The following RORA variants were observed in gnomAD, a reference collection of about 807,000 sequenced individuals.
RORA encodes the protein nuclear receptor ROR-alpha.
RORA carries 7 observed loss-of-function variants against 69.5 expected under a neutral mutation model. The observed-to-expected ratio is 0.10, with a 90% confidence interval of 0.06 to 0.19. RORA has a LOEUF of 0.19. RORA is among the 10% of genes least tolerant of loss of function. RORA has a pLI of 1.00. For missense variants in RORA, 457 were observed against 663.0 expected (o/e 0.69, Z 3.41); for synonymous variants, 261 against 240.8 (o/e 1.08, Z -0.78).
rs1596031509 is a variant in RORA at position 61,154,041 on chromosome 15, C to G, written c.166+75012G>C. On this transcript the variant is annotated intron_variant, in intron 1 of 10. Transcript: ENST00000335670. ...TTAGTGAATCTCAAACCCTTATATC[C>G]TGCACTTCCTAGCCAAATCCTTTCT... Among the ~76,000 whole-genome samples the G allele has an allele frequency of 2.0e-5, 3 of 152,172 alleles. No individual in the cohort carries two copies. In the East Asian group the frequency reaches 5.8e-4, roughly 29 times the overall value.
chr15:61,077,465 T>A (rs1032802511), intron 1 of RORA, among the ~76,000 whole-genome samples: 1 of 152,152 alleles, frequency 6.6e-6, no homozygotes, highest in Non-Finnish European at 1.5e-5. Flanking sequence ...CGACTATGGG[T>A]ACCTAGATAG....
At chr15:60,721,101 CT>C (rs975772243) in intron 1 of RORA, among the ~76,000 whole-genome samples, 1 of 152,134 alleles carries the variant, frequency 6.6e-6, no homozygotes, top group African/African-American at 2.4e-5. Flanking sequence ...ACCTCCTTTC[CT>C]GGGGTAACGA....
chr15:60,634,100 C>A (rs2069791649), intron 2 of RORA, among the ~76,000 whole-genome samples: 1 of 151,978 alleles, frequency 6.6e-6, no homozygotes, highest in Non-Finnish European at 1.5e-5. Flanking sequence ...AAGAATACCC[C>A]CAGCTTTTCA....
intron 1 of RORA, among the ~76,000 whole-genome samples, chr15:61,152,701 T>C (rs1466393873): frequency 2.0e-5 from 3 of 152,148 alleles, no homozygotes; most frequent in African/African-American, 7.2e-5. Flanking sequence ...GGAAAGCAAC[T>C]TTTTAGGACA....
chr15:61,010,537 C>G (rs375030014), intron 1 of RORA, among the ~76,000 whole-genome samples: 15 of 152,156 alleles, frequency 9.9e-5, no homozygotes, highest in African/African-American at 3.6e-4. Context: ...TATGAATGCA[C>G]AGGCATACAA....
At chr15:61,003,647 C>A (rs560568209) in intron 1 of RORA, among the ~76,000 whole-genome samples, 7 of 152,216 alleles carry the variant, frequency 4.6e-5, no homozygotes, top group Non-Finnish European at 1.0e-4. Flanking sequence ...ATTTATTTAA[C>A]CAAGCAAGTT....
chr15:61,068,814 C>T (rs775265492), intron 1 of RORA, among the ~76,000 whole-genome samples: 1 of 152,172 alleles, frequency 6.6e-6, no homozygotes. Flanking sequence ...CTTGGGCACA[C>T]AAGCAGTTAA....
In RORA at chr15:60,534,802, G is replaced by A. The variant is rs1044875219; in HGVS notation, c.197-2951C>T. ...ACACGTGTTGATATTCCCAGAAAGC[G>A]AGCATTTGCAGATTGGAGCAGGGCA... On this transcript the variant is annotated intron_variant, in intron 2 of 10. Coordinates refer to ENST00000335670, the MANE Select transcript of RORA (RefSeq NM_134261.3). This position sits in a 1 kb window ranked among gnomAD's most constrained non-coding sequence, Gnocchi z 5.0. Among the ~76,000 whole-genome samples the A allele has an allele frequency of 4.6e-5, 7 of 152,074 alleles. No individual in the cohort carries two copies. The highest frequency in any genetic ancestry group is 2.1e-4 in the South Asian group (1 of 4,826).
intron 3 of RORA, among the ~76,000 whole-genome samples, chr15:60,521,565 A>AT (rs765042017): frequency 6.6e-5 from 10 of 152,120 alleles, no homozygotes; most frequent in Non-Finnish European, 1.0e-4. Flanking sequence ...TATAGTAAAT[A>AT]TTTTTTAAAA....
chr15:60,724,380 A>T (rs976293855), intron 1 of RORA, among the ~76,000 whole-genome samples: 2 of 152,184 alleles, frequency 1.3e-5, no homozygotes, highest in Non-Finnish European at 2.9e-5. Context: ...CTATCATAGT[A>T]AAGGAAAACG....
chr15:61,034,703 C>T (rs1465698504), intron 1 of RORA, among the ~76,000 whole-genome samples: 1 of 138,018 alleles, frequency 7.2e-6, no homozygotes, highest in East Asian at 2.1e-4. Context: ...GCATGTTGGT[C>T]AAGTTCAAGG....
Position 60,514,709 on chromosome 15 carries a change from G to C in RORA, c.331C>G (p.Arg111Gly). The C allele has an allele frequency of 6.2e-7, 1 of 1,613,868 alleles. No homozygotes were observed. The highest frequency in any genetic ancestry group is 1.7e-5 in the Admixed American group (1 of 60,016). Residue 111 changes from arginine (R) to glycine (G), a missense_variant, in exon 4 of 11, where the codon CGT (arginine) becomes GGT (glycine). Physicochemically the swap from Arg to Gly is moderately radical, Grantham distance 125. Around this residue, in one of 3 missense-constraint regions of RORA, gnomAD observed 34 missense variants for 123.2 expected, o/e 0.28. Coordinates refer to ENST00000335670, the MANE Select transcript of RORA (RefSeq NM_134261.3). Reference protein sequence around the residue: ...QQSNATYSCPRQKNCLIDRTS... With the variant: ...QQSNATYSCPGQKNCLIDRTS... ...CGATCAATCAAACAGTTCTTCTGAC[G>C]AGGACAGGAGTAGGTGGCATTGCTT...
At chr15:60,834,194 G>C (rs968608232) in intron 1 of RORA, among the ~76,000 whole-genome samples, 1 of 152,154 alleles carries the variant, frequency 6.6e-6, no homozygotes, top group African/African-American at 2.4e-5. Flanking sequence ...TGCAAAGAAG[G>C]CACAAAATAG....
At position 60,912,282 on chromosome 15, in the gene RORA, G is replaced by T. The variant is rs150261335; in HGVS notation, c.167-233596C>A. Among the ~76,000 whole-genome samples, 25 of 152,212 alleles carry T rather than the reference G, an allele frequency of 1.6e-4. No individual in the cohort carries two copies. The South Asian group carries it at 2.3e-3, about 14-fold the overall frequency. On this transcript the variant is annotated intron_variant, in intron 1 of 10. Coordinates refer to ENST00000335670, the MANE Select transcript of RORA (RefSeq NM_134261.3). ...AAGAAAGAGAAAAAAATAGCCAGAT[G>T]TGGGGGGGCTGCATCTGTCGTTCTA...
Position 60,502,878 on chromosome 15 carries a change from G to A in RORA, c.1076-11C>T, listed in dbSNP as rs764902188. Reference sequence around the variant, plus strand: ...CCACCTCTAGAGAACCTAAGCAGAGGCAGAAATGGTTTGGGTCATTTGGGT... The same window carrying A: ...CCACCTCTAGAGAACCTAAGCAGAGACAGAAATGGTTTGGGTCATTTGGGT... On this transcript the variant is annotated splice_polypyrimidine_tract_variant and intron_variant, in intron 7 of 10. Coordinates refer to ENST00000335670, the MANE Select transcript of RORA (RefSeq NM_134261.3). 15 of 1,583,970 alleles carry A rather than the reference G, an allele frequency of 9.5e-6. No individual in the cohort carries two copies. In the South Asian group the frequency reaches 1.5e-4, roughly 16 times the overall value.
intron 3 of RORA, among the ~76,000 whole-genome samples, chr15:60,517,134 A>G (rs909744871): frequency 2.2e-5 from 3 of 138,418 alleles, no homozygotes; most frequent in African/African-American, 3.4e-5. Flanking sequence ...CCCCCCTACA[A>G]TAGGCAGATG....
chr15:61,144,292 C>T lies in RORA; in HGVS notation c.166+84761G>A, dbSNP rs189878035. Among the ~76,000 whole-genome samples, 280 of 152,330 alleles carry T rather than the reference C, an allele frequency of 1.8e-3. 2 individuals carry two copies. Among genetic ancestry groups the T allele is most frequent in the East Asian group, 7.5e-3 (39 of 5,184 alleles). Reference sequence around the variant, plus strand: ...CTGATTCCACGGGCAGCTCGAGCTGCGATGGCCATTCAGAGTTGTCCCAAA... The same window carrying T: ...CTGATTCCACGGGCAGCTCGAGCTGTGATGGCCATTCAGAGTTGTCCCAAA... On this transcript the variant is annotated intron_variant, in intron 1 of 10. Transcript: ENST00000335670.
intron 1 of RORA, among the ~76,000 whole-genome samples, chr15:60,870,840 C>T (rs2073547401): frequency 6.6e-6 from 1 of 152,198 alleles, no homozygotes; most frequent in Non-Finnish European, 1.5e-5. Context: ...CATAGGCTTG[C>T]CTTTGGCAAC....
intron 1 of RORA, among the ~76,000 whole-genome samples, chr15:61,092,771 TAC>T (rs912254517): frequency 6.6e-6 from 1 of 152,216 alleles, no homozygotes; most frequent in Non-Finnish European, 1.5e-5. Flanking sequence ...GTTGGCATTA[TAC>T]ACAGAATGGT....
Sources: allele counts gnomAD v4.1 joint callset (sites outside exome capture counted in the v4.1 genomes callset), GRCh38; gene constraint gnomAD v4.1.1; regional missense constraint gnomAD v4.1.1; non-coding constraint Gnocchi (gnomAD v3.1); transcripts MANE v1.5; gene names NCBI Gene and HGNC (gene_info 2026-07-23, HGNC 2026-07-21).